Variants in ESF1 observed in about 807,000 individuals in gnomAD.
ESF1 encodes ESF1 homolog.
Under a neutral mutation model 92.0 loss-of-function variants are expected in ESF1, and 58 were observed. The ratio of observed to expected loss-of-function variants is 0.63; its 90% CI spans 0.51 to 0.78. The LOEUF (loss-of-function observed/expected upper bound fraction) is 0.78. Ranked by LOEUF, ESF1 falls within the 30% of genes least tolerant of loss-of-function variation. The pLI, the probability that ESF1 is intolerant of heterozygous loss-of-function variation, is 0.00. For missense variants in ESF1, 922 were observed against 989.1 expected (o/e 0.93, Z 0.91); for synonymous variants, 321 against 313.7 (o/e 1.02, Z -0.24).
At chr20:13,761,430 A>C (rs886662713) in intron 8 of ESF1, among the ~76,000 whole-genome samples, 11 of 149,776 alleles carry the variant, frequency 7.3e-5, no homozygotes, top group Non-Finnish European at 1.5e-4. Context: ...AAAAAAAAAG[A>C]AGATGGCATT....
intron 9 of ESF1, among the ~76,000 whole-genome samples, chr20:13,751,566 AGG>A (rs200414097): frequency 2.0e-5 from 3 of 152,158 alleles, no homozygotes; most frequent in African/African-American, 7.2e-5. Context: ...AATCCTGTGC[AGG>A]GATGTGGGGG....
chr20:13,749,123 C>T lies in ESF1; in HGVS notation c.1828+10569G>A, dbSNP rs139137179. On this transcript the variant is annotated intron_variant, in intron 9 of 13. Coordinates refer to ENST00000617257, the MANE Select transcript of ESF1 (RefSeq NM_001276380.2). Reference sequence around the variant, plus strand: ...CTCTGTTGCCCAGGTTGGAGTGCAACGGCATGATCTCAGCTCACTGCAACC... The same window carrying T: ...CTCTGTTGCCCAGGTTGGAGTGCAATGGCATGATCTCAGCTCACTGCAACC... Among the ~76,000 whole-genome samples, 221 of 150,360 alleles carry T rather than the reference C, an allele frequency of 1.5e-3. 1 individual carries two copies. Among genetic ancestry groups the T allele is most frequent in the Admixed American group, 5.4e-3 (81 of 15,086 alleles).
chr20:13,731,919 C>G (rs1014911525), intron 10 of ESF1, among the ~76,000 whole-genome samples: 1 of 152,222 alleles, frequency 6.6e-6, no homozygotes, highest in Non-Finnish European at 1.5e-5. Flanking sequence ...GGTGGAGCGC[C>G]CAGGGAGGCA....
At chr20:13,728,794 G>A (rs972675138) in intron 10 of ESF1, among the ~76,000 whole-genome samples, 28 of 151,888 alleles carry the variant, frequency 1.8e-4, no homozygotes, top group African/African-American at 6.8e-4. Context: ...TTGAACCCAG[G>A]AGGAAGAGGT....
intron 12 of ESF1, among the ~76,000 whole-genome samples, chr20:13,718,525 C>A (rs1225429217): frequency 6.6e-6 from 1 of 152,158 alleles, no homozygotes; most frequent in East Asian, 1.9e-4. Flanking sequence ...CAAACCATAA[C>A]CACAAACTGT....
chr20:13,776,256 TTA>T lies in ESF1; in HGVS notation c.650_651del (p.Ile217AsnfsTer6), dbSNP rs778969261. 8.7e-6 allele frequency: 14 copies of T among 1,612,040 alleles called. No homozygotes were observed. The South Asian group carries it at 1.4e-4, about 16-fold the overall frequency. ...TCATAACCATCACTGTCTCTTGTCA[TTA>T]TGAGTTGAACCACTGCAAAATGTTA... ...RREMQSVVQL[I>X]MTRDSDGYEN... On this transcript the variant is annotated frameshift_variant, in exon 3 of 14. Coordinates refer to ENST00000617257, the MANE Select transcript of ESF1 (RefSeq NM_001276380.2). LOFTEE classifies it high-confidence loss of function.
chr20:13,767,595 G>T (rs1979488237), intron 7 of ESF1, among the ~76,000 whole-genome samples: 1 of 151,138 alleles, frequency 6.6e-6, no homozygotes, highest in Admixed American at 6.6e-5. Context: ...GGAGTTCTAA[G>T]ATTTCAGGAA....
chr20:13,735,868 G>T (rs1457283193), intron 9 of ESF1, among the ~76,000 whole-genome samples: 1 of 152,116 alleles, frequency 6.6e-6, no homozygotes, highest in Admixed American at 6.5e-5. Flanking sequence ...TAGGTGACTA[G>T]AGGACTGGGT....
intron 2 of ESF1, among the ~76,000 whole-genome samples, 186 bp downstream of exon 2, chr20:13,782,318 T>C (rs1392079358): frequency 2.0e-5 from 3 of 152,246 alleles, no homozygotes; most frequent in African/African-American, 4.8e-5. Context: ...TTCATGTCTG[T>C]CTTCTAGCAC....
chr20:13,746,604 G>C (rs1042912910), intron 9 of ESF1, among the ~76,000 whole-genome samples: 1 of 152,162 alleles, frequency 6.6e-6, no homozygotes, highest in African/African-American at 2.4e-5. Flanking sequence ...TAAACTGGTG[G>C]CTTGACATTC....
intron 9 of ESF1, among the ~76,000 whole-genome samples, chr20:13,754,791 C>T (rs1037398863): frequency 6.6e-6 from 1 of 152,194 alleles, no homozygotes; most frequent in Non-Finnish European, 1.5e-5. Context: ...TTTCTCATCT[C>T]AGTCACAGAA....
At chr20:13,751,734 T>C (rs560507890) in intron 9 of ESF1, among the ~76,000 whole-genome samples, 2 of 152,342 alleles carry the variant, frequency 1.3e-5, no homozygotes, top group South Asian at 4.1e-4. Flanking sequence ...CTGGGCGTGG[T>C]GGCTCATGCC....
chr20:13,772,054 TA>T (rs1979710639), intron 5 of ESF1, among the ~76,000 whole-genome samples: 2 of 151,708 alleles, frequency 1.3e-5, no homozygotes, highest in African/African-American at 2.4e-5. Flanking sequence ...CCTAGTGGCT[TA>T]AAAACTATCT....
chr20:13,774,450 C>G (rs553649293), intron 4 of ESF1, among the ~76,000 whole-genome samples: 1 of 152,318 alleles, frequency 6.6e-6, no homozygotes, highest in African/African-American at 2.4e-5. Flanking sequence ...ATAAGGGAGA[C>G]TCAATCTCTA....
chr20:13,783,742 G>A (rs934461305), intron 1 of ESF1, among the ~76,000 whole-genome samples: 11 of 152,182 alleles, frequency 7.2e-5, no homozygotes, highest in Non-Finnish European at 1.5e-4. Context: ...TTCCACCCGG[G>A]AGGTCTTGGC....
rs778781338 is a variant in ESF1, at chr20:13,759,759, C to T, written c.1761G>A (p.Gln587=). 2 of 1,570,024 alleles carry T rather than the reference C, an allele frequency of 1.3e-6. No individual in the cohort carries two copies. Among genetic ancestry groups the T allele is most frequent in the East Asian group, 2.3e-5 (1 of 42,696 alleles). Residue 587 remains glutamine (Q), a synonymous_variant, in exon 9 of 14, where the codon CAG becomes CAA. Coordinates refer to ENST00000617257, the MANE Select transcript of ESF1 (RefSeq NM_001276380.2). ...CTTTCTTTTCTTTTTCTTGAATAAC[C>T]TGCAAGAGCTGCCTGTATTTAGCAA... is the stretch of plus-strand genomic sequence containing the variant. The part of the protein sequence containing the change: ...EQIAKYRQLL[Q]VIQEKEKKGK...
At position 13,724,627 on chromosome 20, in the gene ESF1, T is replaced by A. The variant is rs145059086; in HGVS notation, c.2038+3751A>T. On this transcript the variant is annotated intron_variant, in intron 11 of 13. Transcript: ENST00000617257. ...TTCAGAATTGAGTAAAAACTTCTCA[T>A]TAAATCCATCTATTTGAGCATATAC... 5.7e-3 allele frequency among the ~76,000 whole-genome samples: 869 copies of A among 152,358 alleles called. 9 individuals carry two copies. Among genetic ancestry groups the A allele is most frequent in the African/African-American group, 0.019 (801 of 41,586 alleles).
At chr20:13,751,617 G>A (rs1399743667) in intron 9 of ESF1, among the ~76,000 whole-genome samples, 1 of 152,144 alleles carries the variant, frequency 6.6e-6, no homozygotes, top group East Asian at 1.9e-4. Context: ...ATAAGGCATT[G>A]CAATTTTAGC....
At chr20:13,730,605 T>C (rs892455485) in intron 10 of ESF1, among the ~76,000 whole-genome samples, 5 of 151,470 alleles carry the variant, frequency 3.3e-5, no homozygotes, top group South Asian at 2.1e-4. Flanking sequence ...AGGATGGTCT[T>C]GATCTCCTGA....
Sources: allele counts gnomAD v4.1 joint callset (sites outside exome capture counted in the v4.1 genomes callset), GRCh38; gene constraint gnomAD v4.1.1; transcripts MANE v1.5; gene names NCBI Gene and HGNC (gene_info 2026-07-23, HGNC 2026-07-21).